Variants in CARMIL1 observed in about 807,000 individuals in gnomAD.
The protein encoded by CARMIL1 is F-actin-uncapping protein LRRC16A.
CARMIL1 carries 90 observed loss-of-function variants against 177.1 expected under a neutral mutation model. That is an observed-to-expected ratio of 0.51 (90% CI 0.43 to 0.61). The LOEUF (loss-of-function observed/expected upper bound fraction) is 0.61, where lower values mean the gene tolerates loss of function less well. Among genes scored for constraint, CARMIL1 ranks in the 20% least tolerant of loss-of-function variants. The probability of loss-of-function intolerance (pLI) is 0.00; values close to 1 mark genes in which losing one functional copy is unlikely to be tolerated. For missense variants in CARMIL1, 1,380 were observed against 1,667.0 expected (o/e 0.83, Z 3.00); for synonymous variants, 577 against 606.2 (o/e 0.95, Z 0.71).
chr6:25,377,320 G>T (rs913562700), intron 2 of CARMIL1, among the ~76,000 whole-genome samples: 4 of 152,186 alleles, frequency 2.6e-5, no homozygotes, highest in African/African-American at 7.2e-5. Context: ...TCTGCTAAAA[G>T]AAACTTCCCA....
chr6:25,299,373 T>C (rs1041070391), intron 2 of CARMIL1, among the ~76,000 whole-genome samples: 3 of 149,208 alleles, frequency 2.0e-5, no homozygotes, highest in Non-Finnish European at 4.5e-5. Flanking sequence ...GGTTTTACCA[T>C]GTTGGCCAGG....
intron 31 of CARMIL1, among the ~76,000 whole-genome samples, chr6:25,589,135 A>G (rs1046519685): frequency 6.6e-6 from 1 of 152,236 alleles, no homozygotes; most frequent in Non-Finnish European, 1.5e-5. Flanking sequence ...CTACACAGCC[A>G]TTGATTGGCC....
chr6:25,606,725 A>G (rs1181543313), intron 35 of CARMIL1, among the ~76,000 whole-genome samples: 2 of 152,172 alleles, frequency 1.3e-5, no homozygotes, highest in African/African-American at 2.4e-5. Flanking sequence ...AGGGTTTAGA[A>G]CAAGACTTGG....
rs1805901419 is a variant in CARMIL1 at position 25,515,568 on chromosome 6, G to A, written c.1633-107G>A. 4 of 1,027,308 alleles carry A rather than the reference G, an allele frequency of 3.9e-6. No homozygotes were observed. The highest frequency in any genetic ancestry group is 5.5e-6 in the Non-Finnish European group (4 of 728,048). The allele number at this position is 1,027,308 out of a possible 1,614,324, so 63.6% of individuals were successfully genotyped here. ...CTTTTAGGTAGTAGTTCTAAAATCA[G>A]ACACGTGCAGTAGGTCCATCCCCTC... On this transcript the variant is annotated intron_variant, in intron 20 of 36. Coordinates refer to ENST00000329474, the MANE Select transcript of CARMIL1 (RefSeq NM_017640.6). The surrounding 1 kb of genome is among the most constrained non-coding windows in gnomAD (Gnocchi z 5.0).
At chr6:25,331,986 T>A (rs1446353417) in intron 2 of CARMIL1, among the ~76,000 whole-genome samples, 1 of 152,218 alleles carries the variant, frequency 6.6e-6, no homozygotes, top group African/African-American at 2.4e-5. Context: ...GTTTAAAGAA[T>A]CAATTAAAAT....
intron 30 of CARMIL1, 27 bp downstream of exon 30, chr6:25,581,017 T>C (rs1266790661): frequency 1.3e-6 from 2 of 1,577,350 alleles, no homozygotes; most frequent in Non-Finnish European, 8.6e-7. Context: ...TGCCAATCAT[T>C]TCCTTGGAAC....
intron 2 of CARMIL1, among the ~76,000 whole-genome samples, chr6:25,336,261 G>A (rs2254968): frequency 0.7 from 105,756 of 151,930 alleles, 36,830 homozygotes; most frequent in African/African-American, 0.72. Flanking sequence ...ACAGTGACAG[G>A]TTTCATCCCT....
intron 23 of CARMIL1, among the ~76,000 whole-genome samples, chr6:25,522,921 C>CA (rs1439816992): frequency 6.6e-6 from 1 of 152,102 alleles, no homozygotes; most frequent in East Asian, 1.9e-4. Context: ...GTGATCCTCC[C>CA]ATCTCAACCA....
At chr6:25,354,283 C>T (rs182834023) in intron 2 of CARMIL1, among the ~76,000 whole-genome samples, 8 of 151,002 alleles carry the variant, frequency 5.3e-5, no homozygotes, top group South Asian at 2.1e-4. Flanking sequence ...CCTCAGCTTC[C>T]GAGTAGCTGG....
chr6:25,479,390 T>C, intron 11 of CARMIL1: 1 of 320,550 alleles, frequency 3.1e-6, no homozygotes, highest in Non-Finnish European at 6.1e-6. Context: ...AAATTAGTTT[T>C]GGTCTGTCAT....
At chr6:25,530,193 A>G (rs1006014703) in intron 24 of CARMIL1, among the ~76,000 whole-genome samples, 1 of 143,244 alleles carries the variant, frequency 7.0e-6, no homozygotes, top group Non-Finnish European at 1.5e-5. Context: ...TAGAATACAG[A>G]AAAAAAAAAA....
chr6:25,540,513 GGAAA>G (rs1159058656), intron 26 of CARMIL1, among the ~76,000 whole-genome samples: 8 of 152,092 alleles, frequency 5.3e-5, no homozygotes, highest in Non-Finnish European at 8.8e-5. Context: ...TGAAAGACTA[GGAAA>G]GGTATTTAAA....
At chr6:25,517,877 A>G (rs530628784) in intron 22 of CARMIL1, among the ~76,000 whole-genome samples, 2 of 152,366 alleles carry the variant, frequency 1.3e-5, no homozygotes, top group African/African-American at 4.8e-5. Flanking sequence ...CATTACTATG[A>G]AAGACTTTCT....
chr6:25,372,905 G>A (rs535543315), intron 2 of CARMIL1, among the ~76,000 whole-genome samples: 14 of 152,110 alleles, frequency 9.2e-5, no homozygotes, highest in African/African-American at 3.1e-4. Context: ...TTATTATTTT[G>A]AACTATATTC....
At chr6:25,293,548 T>C (rs1043240353) in intron 2 of CARMIL1, among the ~76,000 whole-genome samples, 14 of 146,724 alleles carry the variant, frequency 9.5e-5, no homozygotes, top group African/African-American at 3.3e-4. Context: ...CCATGCCGAA[T>C]TTTTTTTTTT....
At chr6:25,364,572 C>CTTTTTTTTTTTTTTTT (rs199573991) in intron 2 of CARMIL1, among the ~76,000 whole-genome samples, 8 of 150,468 alleles carry the variant, frequency 5.3e-5, no homozygotes, top group African/African-American at 1.5e-4. Flanking sequence ...TCTTTTTCTT[C>CTTTTTTTTTTTTTTTT]TTTTTTTTGA....
intron 8 of CARMIL1, chr6:25,465,590 G>T (rs1432819393): frequency 5.3e-6 from 2 of 376,142 alleles, no homozygotes; most frequent in Non-Finnish European, 9.6e-6. Flanking sequence ...GGACTTAGAG[G>T]TAGGATTTCT....
At chr6:25,321,045 C>T (rs1180759386) in intron 2 of CARMIL1, among the ~76,000 whole-genome samples, 2 of 152,022 alleles carry the variant, frequency 1.3e-5, no homozygotes, top group South Asian at 2.1e-4. Flanking sequence ...ACTCATCTGC[C>T]TCCCCCAGCC....
At chr6:25,580,026 A>C (rs1304644862) in intron 29 of CARMIL1, among the ~76,000 whole-genome samples, 2 of 152,230 alleles carry the variant, frequency 1.3e-5, no homozygotes, top group Non-Finnish European at 2.9e-5. Context: ...CAGTGAAAAC[A>C]TCCCTAACAT....
Sources: gnomAD v4.1 joint callset for allele counts (sites outside exome capture counted in the v4.1 genomes callset) on GRCh38, gnomAD v4.1.1 for gene constraint, Gnocchi (gnomAD v3.1) non-coding constraint, MANE v1.5 for transcripts, NCBI Gene and HGNC (gene_info 2026-07-23, HGNC 2026-07-21) for gene names.